PRKN: variants seen among roughly 807,000 people sequenced by gnomAD.
PRKN encodes E3 ubiquitin-protein ligase parkin.
PRKN carries 56 observed loss-of-function variants against 59.5 expected under a neutral mutation model. The ratio of observed to expected loss-of-function variants is 0.94; its 90% CI spans 0.76 to 1.18. The LOEUF (loss-of-function observed/expected upper bound fraction) is 1.18. Among genes scored for constraint, PRKN ranks in the 50% most tolerant of loss-of-function variants. The pLI is 0.00. For missense variants in PRKN, 657 were observed against 596.4 expected (o/e 1.10, Z -1.06); for synonymous variants, 250 against 222.1 (o/e 1.13, Z -1.12).
intron 7 of PRKN, among the ~76,000 whole-genome samples, chr6:161,639,021 C>T (rs1317740437): frequency 1.3e-5 from 2 of 152,058 alleles, no homozygotes; most frequent in African/African-American, 2.4e-5. Context: ...GGATTACAGG[C>T]GTGAACCACT....
rs146849284 is a variant in PRKN at position 162,393,861 on chromosome 6, A to G, written c.171+49449T>C. On this transcript the variant is annotated intron_variant, in intron 2 of 11. Coordinates refer to ENST00000366898, the MANE Select transcript of PRKN (RefSeq NM_004562.3). Reference sequence around the variant, plus strand: ...TAATCCTTTAGATTTAGTTAAAATTAAAAACATTTCATATACTGGTAGCTC... The same window carrying G: ...TAATCCTTTAGATTTAGTTAAAATTGAAAACATTTCATATACTGGTAGCTC... Among the ~76,000 whole-genome samples the G allele has an allele frequency of 1.5e-3, 234 of 152,338 alleles. 1 individual carries two copies. Among genetic ancestry groups the G allele is most frequent in the Middle Eastern group, 0.01 (3 of 294 alleles).
chr6:162,074,567 C>A (rs1413417279), intron 4 of PRKN, among the ~76,000 whole-genome samples: 2 of 151,642 alleles, frequency 1.3e-5, no homozygotes. Context: ...CAGCATGGCA[C>A]ATGTATACGT....
intron 4 of PRKN, among the ~76,000 whole-genome samples, chr6:162,063,252 A>G (rs1778178534): frequency 6.6e-6 from 1 of 152,220 alleles, no homozygotes; most frequent in Non-Finnish European, 1.5e-5. Flanking sequence ...GAGCTAATAT[A>G]AAGGACACAT....
chr6:162,448,874 CCTCT>C (rs149755820), intron 1 of PRKN, among the ~76,000 whole-genome samples: 20 of 139,694 alleles, frequency 1.4e-4, no homozygotes, highest in Admixed American at 9.9e-4. Context: ...TCTTTCTTTT[CCTCT>C]CTCTCTCTCT....
intron 4 of PRKN, among the ~76,000 whole-genome samples, chr6:162,092,566 A>G (rs1268132500): frequency 6.6e-6 from 1 of 152,220 alleles, no homozygotes; most frequent in African/African-American, 2.4e-5. Flanking sequence ...CCTAGTAAAT[A>G]AATATACATA....
intron 5 of PRKN, among the ~76,000 whole-genome samples, chr6:162,021,161 TATATAAAATATATG>T: frequency 3.7e-5 from 1 of 26,728 alleles, no homozygotes; most frequent in East Asian, 2.0e-3. Flanking sequence ...TATATATATA[TATATAAAATATATG>T]TGTATATATA....
chr6:162,594,829 T>C (rs985620033), intron 1 of PRKN, among the ~76,000 whole-genome samples: 1 of 152,204 alleles, frequency 6.6e-6, no homozygotes, highest in African/African-American at 2.4e-5. Flanking sequence ...TCCTGTGCTA[T>C]AGTTAAGCTC....
intron 6 of PRKN, among the ~76,000 whole-genome samples, chr6:161,832,660 A>G (rs1240155952): frequency 6.6e-6 from 1 of 150,972 alleles, no homozygotes; most frequent in Admixed American, 6.6e-5. Context: ...ATATCAGTGT[A>G]TACCCGCGGA....
chr6:162,174,014 C>A (rs545747555), intron 4 of PRKN, among the ~76,000 whole-genome samples: 1 of 152,258 alleles, frequency 6.6e-6, no homozygotes, highest in Admixed American at 6.5e-5. Context: ...ATATATCCTG[C>A]TCTATGCGTA....
chr6:161,572,322 C>T (rs1350487034), intron 7 of PRKN, among the ~76,000 whole-genome samples: 1 of 151,926 alleles, frequency 6.6e-6, no homozygotes, highest in African/African-American at 2.4e-5. Context: ...AAAATGTGAA[C>T]AAAATTTAAA....
chr6:162,108,957 G>A (rs1238020137), intron 4 of PRKN, among the ~76,000 whole-genome samples: 3 of 152,214 alleles, frequency 2.0e-5, no homozygotes, highest in South Asian at 2.1e-4. Flanking sequence ...CTGAAGTGGC[G>A]GTGTACAGCA....
rs1036309004 is a variant in PRKN, at chr6:161,487,737, G to A, written c.1083+61117C>T. 6.6e-6 allele frequency among the ~76,000 whole-genome samples: 1 copy of A among 152,100 alleles called. No individual in the cohort carries two copies. Among genetic ancestry groups the A allele is most frequent in the Non-Finnish European group, 1.5e-5 (1 of 68,018 alleles). On this transcript the variant is annotated intron_variant, in intron 9 of 11. Coordinates refer to ENST00000366898, the MANE Select transcript of PRKN (RefSeq NM_004562.3). This position sits in a 1 kb window ranked among gnomAD's most constrained non-coding sequence, Gnocchi z 5.3. ...AGAAAAAGCGCCTATGGAGGCTCGC[G>A]AATAGAGAGGCACCATGCTCATTGC...
intron 7 of PRKN, among the ~76,000 whole-genome samples, chr6:161,747,550 A>C (rs1788485084): frequency 6.6e-6 from 1 of 152,188 alleles, no homozygotes; most frequent in Non-Finnish European, 1.5e-5. Flanking sequence ...AGTGCAGCCA[A>C]ATATTAATTG....
chr6:161,662,293 C>T (rs75122794), intron 7 of PRKN, among the ~76,000 whole-genome samples: 7,336 of 152,174 alleles, frequency 0.048, 368 homozygotes, highest in East Asian at 0.25. Context: ...TGCAGACAGT[C>T]GCTGCCTCCA....
At chr6:161,958,509 T>A (rs910038736) in intron 6 of PRKN, among the ~76,000 whole-genome samples, 4 of 152,140 alleles carry the variant, frequency 2.6e-5, no homozygotes, top group Non-Finnish European at 5.9e-5. Flanking sequence ...TTGTAAAAAA[T>A]AATAATAATA....
chr6:161,536,623 G>T (rs1779424278), intron 9 of PRKN, among the ~76,000 whole-genome samples: 1 of 152,162 alleles, frequency 6.6e-6, no homozygotes, highest in Admixed American at 6.5e-5. Context: ...TACAGGGAAG[G>T]TGCATAGCCT....
intron 1 of PRKN, among the ~76,000 whole-genome samples, chr6:162,454,079 C>T (rs1232239343): frequency 1.3e-5 from 2 of 152,132 alleles, no homozygotes; most frequent in Non-Finnish European, 2.9e-5. Flanking sequence ...ATAGTATCTA[C>T]CTCCTAAAGT....
At chr6:161,619,373 A>G (rs6455738) in intron 7 of PRKN, among the ~76,000 whole-genome samples, 100,150 of 145,830 alleles carry the variant, frequency 0.69, 35,164 homozygotes, top group African/African-American at 0.85. Flanking sequence ...ACTGTTCTAT[A>G]TCCAGGTAAT....
intron 6 of PRKN, among the ~76,000 whole-genome samples, chr6:161,880,489 A>G (rs1307556421): frequency 6.6e-6 from 1 of 152,148 alleles, no homozygotes; most frequent in Non-Finnish European, 1.5e-5. Flanking sequence ...TTTCCCCCAC[A>G]GTATTAGGGT....
Sources: allele counts gnomAD v4.1 joint callset (sites outside exome capture counted in the v4.1 genomes callset), GRCh38; gene constraint gnomAD v4.1.1; non-coding constraint Gnocchi (gnomAD v3.1); transcripts MANE v1.5; gene names NCBI Gene and HGNC (gene_info 2026-07-23, HGNC 2026-07-21).